Variants in PLPPR2 observed in about 807,000 individuals in gnomAD.
PLPPR2 encodes phospholipid phosphatase related 2.
Under a neutral mutation model 40.3 loss-of-function variants are expected in PLPPR2, and 11 were observed. That is an observed-to-expected ratio of 0.27 (90% CI 0.17 to 0.45). The LOEUF (loss-of-function observed/expected upper bound fraction) is 0.45, where lower values mean the gene tolerates loss of function less well. PLPPR2 is among the 20% of genes least tolerant of loss of function. The pLI is 1.00. For synonymous variants in PLPPR2, 260 were observed against 290.8 expected, an observed-to-expected ratio of 0.89 and a Z score of 1.08; for missense variants, 497 against 640.7, an observed-to-expected ratio of 0.78 and a Z score of 2.42.
intron 3 of PLPPR2, among the ~76,000 whole-genome samples, chr19:11,358,025 TTC>T (rs984896768): frequency 5.0e-5 from 6 of 119,854 alleles, no homozygotes; most frequent in Non-Finnish European, 5.0e-5. Context: ...CATAGGGCTG[TTC>T]TCTGTGTGTG....
chr19:11,363,755 G>C lies in PLPPR2; in HGVS notation c.883G>C (p.Gly295Arg), dbSNP rs760236250. 3.3e-5 allele frequency: 53 copies of C among 1,614,158 alleles called. 2 individuals are homozygous for C. In the South Asian group the frequency reaches 4.9e-4, roughly 15 times the overall value. The change falls in exon 8 of 10, where the codon GGC (glycine) becomes CGC (arginine). Residue 295 changes from glycine (G) to arginine (R), a missense_variant. Gly to Arg is a moderately radical substitution (Grantham distance 125). Coordinates refer to ENST00000688289, the MANE Select transcript of PLPPR2 (RefSeq NM_001393892.1). The surrounding 1 kb of genome is among the most constrained non-coding windows in gnomAD (Gnocchi z 4.8). Reference protein sequence around the residue: ...VHNFQSRPPSGRRLSPWEDLG... With the variant: ...VHNFQSRPPSRRRLSPWEDLG... ...TAACTTTCAGAGCCGGCCACCCTCT[G>C]GCCGAAGGCTCTCTCCCTGGGAGGA...
At chr19:11,358,561 A>G (rs112246244) in intron 3 of PLPPR2, among the ~76,000 whole-genome samples, 1 of 149,196 alleles carries the variant, frequency 6.7e-6, no homozygotes, top group African/African-American at 2.5e-5. Flanking sequence ...CCCCATGCCC[A>G]TCTCTTCTCT....
At position 11,359,569 on chromosome 19, in the gene PLPPR2, G is replaced by T; in HGVS notation, c.104G>T (p.Arg35Leu). 6.3e-7 allele frequency: 1 copy of T among 1,592,380 alleles called. No homozygotes were observed. Among genetic ancestry groups the T allele is most frequent in the South Asian group, 1.1e-5 (1 of 87,756 alleles). Residue 35 changes from arginine to leucine, a missense_variant, in exon 4 of 10, where the codon CGC (arginine) becomes CTC (leucine). Coordinates refer to ENST00000688289, the MANE Select transcript of PLPPR2 (RefSeq NM_001393892.1). The surrounding 1 kb of genome is among the most constrained non-coding windows in gnomAD (Gnocchi z 5.6). ...LLGIVILLAY[R>L]LEFTDTFPVH... ...GGCATTGTGATCCTGCTTGCTTACC[G>T]CCTGGAGTTCACGGACACCTTCCCT...
rs557639014 is a variant in PLPPR2 at position 11,361,084 on chromosome 19, G to C, written c.392-133G>C. 3 of 1,161,730 alleles carry C rather than the reference G, an allele frequency of 2.6e-6. No individual in the cohort carries two copies. The highest frequency in any genetic ancestry group is 2.8e-5 in the Admixed American group (1 of 35,466). The allele number at this position is 1,161,730 out of a possible 1,614,324, so 72.0% of individuals were successfully genotyped here. On this transcript the variant is annotated intron_variant, in intron 5 of 9. Transcript: ENST00000688289. This position sits in a 1 kb window ranked among gnomAD's most constrained non-coding sequence, Gnocchi z 6.3. ...TTCATGGTGGTCTTAAAGGAAGGGGGATGTTGGCACAACTACAGGGTCCCA... is the reference window on the plus strand; with the variant it reads ...TTCATGGTGGTCTTAAAGGAAGGGGCATGTTGGCACAACTACAGGGTCCCA...
intron 5 of PLPPR2, among the ~76,000 whole-genome samples, chr19:11,360,768 G>A (rs1968020823): frequency 1.3e-5 from 2 of 152,084 alleles, no homozygotes; most frequent in South Asian, 4.1e-4. Context: ...ATGGTCCCAG[G>A]GCAGAGGGCG....
At position 11,363,922 on chromosome 19, in the gene PLPPR2, G is replaced by A; in HGVS notation, c.963+87G>A. The A allele has an allele frequency of 5.4e-6, 8 of 1,485,014 alleles. No individual in the cohort carries two copies. Among genetic ancestry groups the A allele is most frequent in the Non-Finnish European group, 7.3e-6 (8 of 1,101,458 alleles). 92.0% of individuals were successfully genotyped at this position (1,485,014 alleles called of 1,614,324 possible). A position where few individuals can be genotyped will look rare whatever the true frequency, so the allele number is the denominator to read the frequency against. On this transcript the variant is annotated intron_variant, in intron 8 of 9. Coordinates refer to ENST00000688289, the MANE Select transcript of PLPPR2 (RefSeq NM_001393892.1). This position sits in a 1 kb window ranked among gnomAD's most constrained non-coding sequence, Gnocchi z 4.8. ...ACAGGAAGGAAGTCAGGCAAGAGGT[G>A]GGGGTCTCAGAACCATGGGGAAGTG...
rs71164193 is a variant in PLPPR2, at chr19:11,360,286, C to CA, written c.391+347dup. Among the ~76,000 whole-genome samples the CA allele has an allele frequency of 7.6e-3, 651 of 85,162 alleles. 5 individuals are homozygous for CA. The highest frequency in any genetic ancestry group is 0.033 in the Middle Eastern group (5 of 152). 55.9% of individuals were successfully genotyped at this position (85,162 alleles called of 152,430 possible). The stretch of plus-strand genomic sequence containing the variant: ...GGGCAACAAGAGCAAAACTCCGTCT[C>CA]AAAAAAAAAAAAAAAAAGAAGAATT... On this transcript the variant is annotated intron_variant, in intron 5 of 9. Coordinates refer to ENST00000688289, the MANE Select transcript of PLPPR2 (RefSeq NM_001393892.1).
intron 3 of PLPPR2, among the ~76,000 whole-genome samples, 163 bp downstream of exon 3, chr19:11,357,902 C>T (rs72992928): frequency 7.3e-4 from 111 of 152,174 alleles, no homozygotes; most frequent in Non-Finnish European, 8.5e-4. Flanking sequence ...TGCCACTCCC[C>T]GGGGTCCAAT....
Position 11,357,725 on chromosome 19 carries a change from T to G in PLPPR2, c.52T>G (p.Phe18Val), listed in dbSNP as rs750491768. 31 of 1,605,314 alleles carry G rather than the reference T, an allele frequency of 1.9e-5. No individual in the cohort carries two copies. Among genetic ancestry groups the G allele is most frequent in the Non-Finnish European group, 2.6e-5 (31 of 1,175,544 alleles). ...LKRSFSIIPCFVFVESVLLGI... is the reference protein window; with the variant it reads ...LKRSFSIIPCVVFVESVLLGI... ...GAGGAGTTTCTCCATCATCCCCTGCTTTGTCTTCGTGGAGGTGAGGACCCC... is the reference window on the plus strand; with the variant it reads ...GAGGAGTTTCTCCATCATCCCCTGCGTTGTCTTCGTGGAGGTGAGGACCCC... The change falls in exon 3 of 10, where the codon TTT becomes GTT. Residue 18 changes from phenylalanine to valine, a missense_variant. Phe to Val is a conservative substitution (Grantham distance 50). Coordinates refer to ENST00000688289, the MANE Select transcript of PLPPR2 (RefSeq NM_001393892.1).
In PLPPR2 at chr19:11,363,252, G is replaced by C. The variant is rs1473833938; in HGVS notation, c.841-461G>C. On this transcript the variant is annotated intron_variant, in intron 7 of 9. Transcript: ENST00000688289. The surrounding 1 kb of genome is among the most constrained non-coding windows in gnomAD (Gnocchi z 4.8). The stretch of plus-strand genomic sequence containing the variant: ...ACTGAGATCGTGCCACCTCACTCCA[G>C]CCTGGGTGAAAGAGCGAAAGTCTGT... Among the ~76,000 whole-genome samples the C allele has an allele frequency of 6.7e-6, 1 of 149,730 alleles. No individual in the cohort carries two copies. Among genetic ancestry groups the C allele is most frequent in the Non-Finnish European group, 1.5e-5 (1 of 67,734 alleles).
chr19:11,365,282 T>C lies in PLPPR2; in HGVS notation c.*592T>C. On this transcript the variant is annotated 3_prime_UTR_variant, in exon 10 of 10. Coordinates refer to ENST00000688289, the MANE Select transcript of PLPPR2 (RefSeq NM_001393892.1). ...CTCCCCCATGGCAGGGTCCTTGGGGTACCCCTTTTCCTCTCAGCCCCTCCC... is the reference window on the plus strand; with the variant it reads ...CTCCCCCATGGCAGGGTCCTTGGGGCACCCCTTTTCCTCTCAGCCCCTCCC... 1 of 156,144 alleles carries C rather than the reference T, an allele frequency of 6.4e-6. No homozygotes were observed. The highest frequency in any genetic ancestry group is 1.9e-4 in the East Asian group (1 of 5,170). The allele number at this position is 156,144 out of a possible 1,614,324, so 9.7% of individuals were successfully genotyped here. A position where few individuals can be genotyped will look rare whatever the true frequency, so the allele number is the denominator to read the frequency against.
chr19:11,364,317 A>G lies in PLPPR2; in HGVS notation c.1016-30A>G. ...TTTATGCTGCCTCCCGAGTTTTCTG[A>G]TCCCCTGATATCTGGCTTCTGACCA... On this transcript the variant is annotated intron_variant, in intron 9 of 9. Coordinates refer to ENST00000688289, the MANE Select transcript of PLPPR2 (RefSeq NM_001393892.1). This position sits in a 1 kb window ranked among gnomAD's most constrained non-coding sequence, Gnocchi z 5.8. The G allele has an allele frequency of 2.0e-6, 3 of 1,519,160 alleles. No homozygotes were observed. The highest frequency in any genetic ancestry group is 2.6e-6 in the Non-Finnish European group (3 of 1,133,558). The allele number at this position is 1,519,160 out of a possible 1,614,324, so 94.1% of individuals were successfully genotyped here.
rs1157839096 is a variant in PLPPR2 at position 11,362,750 on chromosome 19, G to A, written c.840+61G>A. 5 of 1,553,908 alleles carry A rather than the reference G, an allele frequency of 3.2e-6. No homozygotes were observed. Among genetic ancestry groups the A allele is most frequent in the Non-Finnish European group, 4.4e-6 (5 of 1,145,538 alleles). Reference sequence around the variant, plus strand: ...CCCTCACCAGCTCTCTGACCCAAGAGGCAGGACCACATGATGGAGAAGGGT... The same window carrying A: ...CCCTCACCAGCTCTCTGACCCAAGAAGCAGGACCACATGATGGAGAAGGGT... On this transcript the variant is annotated intron_variant, in intron 7 of 9. Transcript: ENST00000688289. This position sits in a 1 kb window ranked among gnomAD's most constrained non-coding sequence, Gnocchi z 5.3.
In PLPPR2 at chr19:11,359,802, A is replaced by T. The variant is rs748177454; in HGVS notation, c.256-19A>T. 3.4e-5 allele frequency: 55 copies of T among 1,604,122 alleles called. No individual in the cohort carries two copies. The highest frequency in any genetic ancestry group is 4.4e-5 in the Non-Finnish European group (52 of 1,173,162). ...ATGGGCTGGAAGGCCAGAAGACTCC[A>T]TCTTGGTCTTGCCCACAGATCCTGC... On this transcript the variant is annotated intron_variant, in intron 4 of 9. Transcript: ENST00000688289. This position sits in a 1 kb window ranked among gnomAD's most constrained non-coding sequence, Gnocchi z 5.6.
rs953344128 is a variant in PLPPR2, at chr19:11,359,057, T to G, written c.67-475T>G. 5.3e-5 allele frequency among the ~76,000 whole-genome samples: 8 copies of G among 151,804 alleles called. No individual in the cohort carries two copies. The highest frequency in any genetic ancestry group is 4.6e-4 in the Admixed American group (7 of 15,220). ...TTTCAGCCATTCCTTTTCCTTTCTT[T>G]TTTTTCTGAGACAGGGTCTCCCTCT... On this transcript the variant is annotated intron_variant, in intron 3 of 9. Transcript: ENST00000688289. This position sits in a 1 kb window ranked among gnomAD's most constrained non-coding sequence, Gnocchi z 5.6.
chr19:11,357,540 C>T (rs189275367), intron 2 of PLPPR2, 120 bp from the exon 3 acceptor site: 293 of 610,560 alleles, frequency 4.8e-4, no homozygotes, highest in African/African-American at 4.6e-3. Flanking sequence ...AGGGCCTCCC[C>T]GGGTCTTCAG....
In PLPPR2 at chr19:11,363,984, C is replaced by T. The variant is rs1968121199; in HGVS notation, c.963+149C>T. On this transcript the variant is annotated intron_variant, in intron 8 of 9. Transcript: ENST00000688289. The surrounding 1 kb of genome is among the most constrained non-coding windows in gnomAD (Gnocchi z 4.8). ...CATCTCTGTGGACATAGGTCCTGGGCGGACAGCCCCAAAGAATGAAAGGGA... is the reference window on the plus strand; with the variant it reads ...CATCTCTGTGGACATAGGTCCTGGGTGGACAGCCCCAAAGAATGAAAGGGA... 7 of 1,315,526 alleles carry T rather than the reference C, an allele frequency of 5.3e-6. No homozygotes were observed. Among genetic ancestry groups the T allele is most frequent in the African/African-American group, 1.5e-5 (1 of 67,706 alleles). 81.5% of individuals were successfully genotyped at this position (1,315,526 alleles called of 1,614,324 possible).
chr19:11,364,321 CCT>C lies in PLPPR2; in HGVS notation c.1016-25_1016-24del, dbSNP rs756151259. 7.2e-6 allele frequency: 11 copies of C among 1,520,822 alleles called. No individual in the cohort carries two copies. The highest frequency in any genetic ancestry group is 2.2e-5 in the Admixed American group (1 of 45,684). The allele number at this position is 1,520,822 out of a possible 1,614,324, so 94.2% of individuals were successfully genotyped here. A position where few individuals can be genotyped will look rare whatever the true frequency, so the allele number is the denominator to read the frequency against. ...TGCTGCCTCCCGAGTTTTCTGATCC[CCT>C]GATATCTGGCTTCTGACCACCAGAG... On this transcript the variant is annotated intron_variant, in intron 9 of 9. Transcript: ENST00000688289. The surrounding 1 kb of genome is among the most constrained non-coding windows in gnomAD (Gnocchi z 5.8).
In PLPPR2 at chr19:11,364,883, T is replaced by C. The variant is rs1176819023; in HGVS notation, c.*193T>C. 4.4e-6 allele frequency: 3 copies of C among 674,578 alleles called. No individual in the cohort carries two copies. The highest frequency in any genetic ancestry group is 2.5e-6 in the Non-Finnish European group (1 of 400,452). The allele number at this position is 674,578 out of a possible 1,614,324, so 41.8% of individuals were successfully genotyped here. The stretch of plus-strand genomic sequence containing the variant: ...TCTGAGATATCCCGATGGGCACAAA[T>C]GGAAGGTGCGCACTTGCCCCTACTA... On this transcript the variant is annotated 3_prime_UTR_variant, in exon 10 of 10. Coordinates refer to ENST00000688289, the MANE Select transcript of PLPPR2 (RefSeq NM_001393892.1). The surrounding 1 kb of genome is among the most constrained non-coding windows in gnomAD (Gnocchi z 5.8).
Sources: allele counts gnomAD v4.1 joint callset (sites outside exome capture counted in the v4.1 genomes callset), GRCh38; gene constraint gnomAD v4.1.1; non-coding constraint Gnocchi (gnomAD v3.1); transcripts MANE v1.5; gene names NCBI Gene and HGNC (gene_info 2026-07-23, HGNC 2026-07-21).